Variants in CTNNA1 observed in about 807,000 individuals in gnomAD.
The protein encoded by CTNNA1 is catenin alpha-1.
A neutral mutation model predicts 98.4 loss-of-function variants in CTNNA1; 37 were observed. That is an observed-to-expected ratio of 0.38 (90% CI 0.29 to 0.49). The LOEUF is 0.49. Among genes scored for constraint, CTNNA1 ranks in the 20% least tolerant of loss-of-function variants. The pLI, the probability that CTNNA1 is intolerant of heterozygous loss-of-function variation, is 0.95. For missense variants in CTNNA1, 761 were observed against 1,147.2 expected (o/e 0.66, Z 4.86); for synonymous variants, 404 against 413.2 (o/e 0.98, Z 0.27).
At position 138,934,206 on chromosome 5, in the gene CTNNA1, A is replaced by G; in HGVS notation, c.*117A>G. On this transcript the variant is annotated 3_prime_UTR_variant, in exon 18 of 18. Transcript: ENST00000302763. ...TACTAGATTCCACAGGGAAATGGGC[A>G]GACTGAACCAGTCCAGGTGGTGAAT... 2 of 726,622 alleles carry G rather than the reference A, an allele frequency of 2.8e-6. No individual in the cohort carries two copies. The allele number at this position is 726,622 out of a possible 1,614,324, so 45.0% of individuals were successfully genotyped here. A position where few individuals can be genotyped will look rare whatever the true frequency, so the allele number is the denominator to read the frequency against.
intron 1 of CTNNA1, among the ~76,000 whole-genome samples, chr5:138,761,315 A>G (rs189374538): frequency 0.011 from 1,726 of 151,686 alleles, 27 homozygotes; most frequent in African/African-American, 0.038. Flanking sequence ...GCTCACTGCA[A>G]CCTCCACTTC....
At chr5:138,778,011 T>TTTTTA (rs1158300576) in intron 1 of CTNNA1, among the ~76,000 whole-genome samples, 55 of 134,904 alleles carry the variant, frequency 4.1e-4, no homozygotes, top group East Asian at 8.9e-4. Flanking sequence ...TTTTTTTTTT[T>TTTTTA]AAACAGAGTC....
At chr5:138,831,174 G>A (rs971036758) in intron 7 of CTNNA1, among the ~76,000 whole-genome samples, 6 of 152,148 alleles carry the variant, frequency 3.9e-5, no homozygotes, top group African/African-American at 1.4e-4. Context: ...CATTCGTAAA[G>A]TGTCTTCTTT....
At chr5:138,775,763 C>T (rs562434221) in intron 1 of CTNNA1, among the ~76,000 whole-genome samples, 28 of 143,510 alleles carry the variant, frequency 2.0e-4, no homozygotes, top group African/African-American at 7.0e-4. Context: ...GCTCTGTCCG[C>T]CCAGGCTGGA....
chr5:138,875,147 T>C (rs1221913535), intron 7 of CTNNA1: 2 of 449,412 alleles, frequency 4.5e-6, no homozygotes, highest in African/African-American at 2.0e-5. Flanking sequence ...GTTTTGAATA[T>C]AAGTTATTAA....
At position 138,902,052 on chromosome 5, in the gene CTNNA1, C is replaced by T. The variant is rs1758156773; in HGVS notation, c.1297-2297C>T. Among the ~76,000 whole-genome samples, 2 of 152,176 alleles carry T rather than the reference C, an allele frequency of 1.3e-5. 1 individual carries two copies. The highest frequency in any genetic ancestry group is 4.8e-5 in the African/African-American group (2 of 41,430). On this transcript the variant is annotated intron_variant, in intron 9 of 17. Coordinates refer to ENST00000302763, the MANE Select transcript of CTNNA1 (RefSeq NM_001903.5). The stretch of plus-strand genomic sequence containing the variant: ...AGTGTGCTCTTGTAGAACATTACTG[C>T]TTCAACAGTACACCAGAAATATTTT...
In CTNNA1 at chr5:138,873,706, A is replaced by G. The variant is rs1404347706; in HGVS notation, c.1063-12506A>G. The G allele has an allele frequency of 1.2e-6, 2 of 1,614,032 alleles. No individual in the cohort carries two copies. The highest frequency in any genetic ancestry group is 1.1e-5 in the South Asian group (1 of 91,082). Reference sequence around the variant, plus strand: ...AATCAAGGCTGTTTAACTTGTTGTTATCCATGAGGAGTATTTTAAGATTGG... The same window carrying G: ...AATCAAGGCTGTTTAACTTGTTGTTGTCCATGAGGAGTATTTTAAGATTGG... On this transcript the variant is annotated intron_variant, in intron 7 of 17. Coordinates refer to ENST00000302763, the MANE Select transcript of CTNNA1 (RefSeq NM_001903.5). This position sits in a 1 kb window ranked among gnomAD's most constrained non-coding sequence, Gnocchi z 6.1.
At chr5:138,900,463 A>G (rs1379942612) in intron 9 of CTNNA1, among the ~76,000 whole-genome samples, 1 of 152,188 alleles carries the variant, frequency 6.6e-6, no homozygotes, top group Non-Finnish European at 1.5e-5. Context: ...GATAAGAGGA[A>G]CTCAGCCAAA....
intron 7 of CTNNA1, among the ~76,000 whole-genome samples, chr5:138,831,340 G>A (rs774486334): frequency 1.3e-5 from 2 of 152,210 alleles, no homozygotes; most frequent in Non-Finnish European, 2.9e-5. Flanking sequence ...AGATCCAAGC[G>A]TCAGTTATTT....
intron 3 of CTNNA1, among the ~76,000 whole-genome samples, chr5:138,806,947 ACT>A (rs987787982): frequency 6.8e-6 from 1 of 147,240 alleles, no homozygotes; most frequent in African/African-American, 2.5e-5. Flanking sequence ...AATACCACTT[ACT>A]CTCTAGGTGG....
Position 138,791,542 on chromosome 5 carries a change from G to A in CTNNA1, c.301+8170G>A, listed in dbSNP as rs1365065994. Among the ~76,000 whole-genome samples, 9 of 140,016 alleles carry A rather than the reference G, an allele frequency of 6.4e-5. No individual in the cohort carries two copies. In the South Asian group the frequency reaches 9.0e-4, roughly 14 times the overall value. 91.9% of individuals were successfully genotyped at this position (140,016 alleles called of 152,430 possible). A position where few individuals can be genotyped will look rare whatever the true frequency, so the allele number is the denominator to read the frequency against. The stretch of plus-strand genomic sequence containing the variant: ...TGAGGCAGGGGAATTGCTTGAGCCC[G>A]GAAGGCAGAGGTTGCAGTGAGCTGA... On this transcript the variant is annotated intron_variant, in intron 3 of 17. Coordinates refer to ENST00000302763, the MANE Select transcript of CTNNA1 (RefSeq NM_001903.5).
rs1367947289 is a variant in CTNNA1, at chr5:138,827,562, G to A, written c.906G>A (p.Arg302=). 8 of 1,614,124 alleles carry A rather than the reference G, an allele frequency of 5.0e-6. No individual in the cohort carries two copies. The highest frequency in any genetic ancestry group is 6.8e-6 in the Non-Finnish European group (8 of 1,180,050). The part of the protein sequence containing the change: ...DPLSFSEERF[R]PSLEERLESI... ...TGAGCTTCAGCGAGGAGCGCTTTAG[G>A]CCTTCCCTGGAGGAGCGTCTGGAAA... The change falls in exon 7 of 18, where the codon AGG becomes AGA. Residue 302 remains arginine (R), a synonymous_variant. Coordinates refer to ENST00000302763, the MANE Select transcript of CTNNA1 (RefSeq NM_001903.5).
intron 7 of CTNNA1, among the ~76,000 whole-genome samples, chr5:138,859,975 A>G (rs1379736332): frequency 6.6e-6 from 1 of 152,160 alleles, no homozygotes; most frequent in Non-Finnish European, 1.5e-5. Flanking sequence ...TCCCTTCTCA[A>G]TTTAAACTGA....
intron 9 of CTNNA1, among the ~76,000 whole-genome samples, chr5:138,889,473 T>A (rs961589794): frequency 6.6e-6 from 1 of 152,204 alleles, no homozygotes; most frequent in African/African-American, 2.4e-5. Context: ...TAATGAGCAC[T>A]GTGCACTCAA....
At chr5:138,826,763 C>CT (rs1760759911) in intron 6 of CTNNA1, among the ~76,000 whole-genome samples, 1 of 152,134 alleles carries the variant, frequency 6.6e-6, no homozygotes, top group Admixed American at 6.5e-5. Context: ...CTTTCTGAAA[C>CT]TTTAAGGTTA....
chr5:138,875,132 A>T, intron 7 of CTNNA1: 1 of 485,666 alleles, frequency 2.1e-6, no homozygotes, highest in Middle Eastern at 3.0e-4. Context: ...CTGATCCCTA[A>T]ATCAGTTTTG....
chr5:138,905,688 C>T (rs775061844), intron 10 of CTNNA1, among the ~76,000 whole-genome samples: 5 of 152,210 alleles, frequency 3.3e-5, no homozygotes, highest in African/African-American at 1.2e-4. Context: ...CACATGACAG[C>T]GAATGCTTTT....
intron 9 of CTNNA1, among the ~76,000 whole-genome samples, chr5:138,901,693 A>C (rs1028197855): frequency 2.0e-5 from 3 of 152,132 alleles, no homozygotes; most frequent in Admixed American, 6.5e-5. Context: ...ACTGGAAGCC[A>C]CTGCACCCAG....
At chr5:138,931,891 C>T (rs565196371) in intron 16 of CTNNA1, 2 of 985,506 alleles carry the variant, frequency 2.0e-6, no homozygotes, top group East Asian at 1.1e-4. Flanking sequence ...TTGCTATAAA[C>T]ACTTGAGAGG....
Sources: gnomAD v4.1 joint callset for allele counts (sites outside exome capture counted in the v4.1 genomes callset) on GRCh38, gnomAD v4.1.1 for gene constraint, Gnocchi (gnomAD v3.1) non-coding constraint, MANE v1.5 for transcripts, NCBI Gene and HGNC (gene_info 2026-07-23, HGNC 2026-07-21) for gene names.